The following ATXN2 variants were observed in gnomAD, a reference collection of about 807,000 sequenced individuals.
The protein encoded by ATXN2 is ataxin-2.
In ATXN2, 37 loss-of-function variants were observed where a neutral mutation model predicts 138.6. The observed-to-expected ratio is 0.27, with a 90% CI of 0.21 to 0.35. The LOEUF (loss-of-function observed/expected upper bound fraction) is 0.35. Among genes scored for constraint, ATXN2 ranks in the 10% least tolerant of loss-of-function variants. The probability of loss-of-function intolerance (pLI) is 1.00; values close to 1 mark genes in which losing one functional copy is unlikely to be tolerated. For missense variants in ATXN2, 1,216 were observed against 1,480.3 expected (o/e 0.82, Z 2.93); for synonymous variants, 549 against 543.7 (o/e 1.01, Z -0.13).
Position 111,482,188 on chromosome 12 carries a change from C to T in ATXN2, c.2524+3077G>A, listed in dbSNP as rs1447821097. Among the ~76,000 whole-genome samples, 5 of 132,886 alleles carry T rather than the reference C, an allele frequency of 3.8e-5. No individual in the cohort carries two copies. In the Admixed American group the frequency reaches 3.8e-4, roughly 10 times the overall value. 87.2% of individuals were successfully genotyped at this position (132,886 alleles called of 152,430 possible). ...CCAACATGGCAAAGCCCTTTCTCTA[C>T]TATTTTTTTTTTTTTTTTTTTTTTG... On this transcript the variant is annotated intron_variant, in intron 18 of 24. Transcript: ENST00000673436.
chr12:111,516,554 CCTT>C lies in ATXN2; in HGVS notation c.1166-194_1166-192del, dbSNP rs1181987495. Among the ~76,000 whole-genome samples, 5 of 152,162 alleles carry C rather than the reference CCTT, an allele frequency of 3.3e-5. No homozygotes were observed. Among genetic ancestry groups the C allele is most frequent in the African/African-American group, 4.8e-5 (2 of 41,424 alleles). ...ATAAATTCACATTTTACTTTAACCTCCTTAAGATTAAGTCTGTTTAAATGAATA... is the reference window on the plus strand; with the variant it reads ...ATAAATTCACATTTTACTTTAACCTCAAGATTAAGTCTGTTTAAATGAATA... On this transcript the variant is annotated intron_variant, in intron 9 of 24. Coordinates refer to ENST00000673436, the MANE Select transcript of ATXN2 (RefSeq NM_001372574.1). This position sits in a 1 kb window ranked among gnomAD's most constrained non-coding sequence, Gnocchi z 5.0.
intron 5 of ATXN2, among the ~76,000 whole-genome samples, chr12:111,537,945 A>C (rs756693966): frequency 1.3e-5 from 2 of 152,092 alleles, no homozygotes; most frequent in African/African-American, 2.4e-5. Flanking sequence ...AAATAACAAC[A>C]AAAATTAGCC....
intron 14 of ATXN2, among the ~76,000 whole-genome samples, chr12:111,493,759 G>T (rs1878208964): frequency 6.6e-6 from 1 of 151,322 alleles, no homozygotes; most frequent in South Asian, 2.1e-4. Context: ...CTCCTGAGTA[G>T]CTAGGATTAC....
At chr12:111,509,677 C>G (rs1396742280) in intron 13 of ATXN2, 58 bp from the exon 14 acceptor site, 3 of 1,049,606 alleles carry the variant, frequency 2.9e-6, no homozygotes, top group Non-Finnish European at 4.2e-6. Flanking sequence ...ACATCACATT[C>G]TTTTTAGTAT....
upstream of ATXN2, chr12:111,599,661 T>G: frequency 3.7e-6 from 4 of 1,067,590 alleles, no homozygotes; most frequent in Non-Finnish European, 4.6e-6. Flanking sequence ...GCGCGCTGGG[T>G]TGCTTTCTCG....
At chr12:111,523,485 AGGCC>A (rs1880301498) in intron 6 of ATXN2, among the ~76,000 whole-genome samples, 1 of 152,106 alleles carries the variant, frequency 6.6e-6, no homozygotes, top group Non-Finnish European at 1.5e-5. Flanking sequence ...GCACTTTGGG[AGGCC>A]GAGGTGGGCA....
intron 5 of ATXN2, among the ~76,000 whole-genome samples, chr12:111,536,224 G>A (rs1468384909): frequency 6.6e-6 from 1 of 152,170 alleles, no homozygotes. Flanking sequence ...AAGACAAGTT[G>A]TTTAGGAGAT....
chr12:111,475,190 G>A (rs1166381188), intron 18 of ATXN2, among the ~76,000 whole-genome samples: 4 of 151,606 alleles, frequency 2.6e-5, no homozygotes, highest in Non-Finnish European at 2.9e-5. Context: ...CTCCAGCCTG[G>A]GCAACAGAGC....
At chr12:111,564,051 C>T (rs1024042110) in intron 1 of ATXN2, among the ~76,000 whole-genome samples, 5 of 152,070 alleles carry the variant, frequency 3.3e-5, no homozygotes, top group Non-Finnish European at 7.4e-5. Context: ...ACAGTGTGGT[C>T]GGCAAGCAGT....
chr12:111,510,875 C>G, intron 11 of ATXN2: 1 of 196,256 alleles, frequency 5.1e-6, no homozygotes. Flanking sequence ...TAAAGGCACT[C>G]GCCACCACAA....
chr12:111,557,629 C>T (rs1165109908), intron 1 of ATXN2, among the ~76,000 whole-genome samples: 2 of 152,182 alleles, frequency 1.3e-5, no homozygotes, highest in African/African-American at 4.8e-5. Context: ...TCATCCAGTT[C>T]ATGAGCAGTA....
At chr12:111,527,867 A>C (rs1880585957) in intron 5 of ATXN2, among the ~76,000 whole-genome samples, 1 of 152,248 alleles carries the variant, frequency 6.6e-6, no homozygotes, top group Non-Finnish European at 1.5e-5. Flanking sequence ...TCTTCTCTAC[A>C]TTATCTTAAA....
chr12:111,539,356 G>C (rs1361307158), intron 5 of ATXN2, among the ~76,000 whole-genome samples: 1 of 149,598 alleles, frequency 6.7e-6, no homozygotes, highest in Non-Finnish European at 1.5e-5. Flanking sequence ...GAGTGAAAGA[G>C]ACAGAGAGAA....
At chr12:111,491,044 G>A (rs1443607021) in intron 14 of ATXN2, among the ~76,000 whole-genome samples, 2 of 152,078 alleles carry the variant, frequency 1.3e-5, no homozygotes, top group Non-Finnish European at 2.9e-5. Context: ...CTGAGGTCGG[G>A]AGTTCAAGAC....
intron 18 of ATXN2, chr12:111,471,031 TG>T (rs1408739964): frequency 8.0e-6 from 3 of 376,436 alleles, no homozygotes; most frequent in Non-Finnish European, 1.5e-5. Context: ...CCCTCAGACT[TG>T]ATCAAGTCCC....
intron 18 of ATXN2, among the ~76,000 whole-genome samples, chr12:111,480,607 G>A (rs1039191107): frequency 5.9e-5 from 9 of 152,132 alleles, no homozygotes; most frequent in Non-Finnish European, 1.0e-4. Flanking sequence ...TCTGAGAGGC[G>A]GAGGTTGCAG....
At chr12:111,536,190 A>G (rs1881164340) in intron 5 of ATXN2, among the ~76,000 whole-genome samples, 1 of 152,178 alleles carries the variant, frequency 6.6e-6, no homozygotes, top group African/African-American at 2.4e-5. Context: ...AATGCCCAAG[A>G]TTGACTGAAA....
At chr12:111,597,161 G>A (rs1330542807) in intron 1 of ATXN2, among the ~76,000 whole-genome samples, 1 of 151,394 alleles carries the variant, frequency 6.6e-6, no homozygotes, top group Non-Finnish European at 1.5e-5. Context: ...GGGGAAGGGG[G>A]GGCGGGGCGT....
At position 111,516,029 on chromosome 12, in the gene ATXN2, A is replaced by G; in HGVS notation, c.1375+125T>C. 1.1e-6 allele frequency: 1 copy of G among 924,884 alleles called. No individual in the cohort carries two copies. The highest frequency in any genetic ancestry group is 1.5e-6 in the Non-Finnish European group (1 of 649,166). The allele number at this position is 924,884 out of a possible 1,614,324, so 57.3% of individuals were successfully genotyped here. Reference sequence around the variant, plus strand: ...AGGTTAATAGAAATAGTTTTAATAAACTAAAGTTAAAACACAGAAATTATA... The same window carrying G: ...AGGTTAATAGAAATAGTTTTAATAAGCTAAAGTTAAAACACAGAAATTATA... On this transcript the variant is annotated intron_variant, in intron 10 of 24. Coordinates refer to ENST00000673436, the MANE Select transcript of ATXN2 (RefSeq NM_001372574.1). This position sits in a 1 kb window ranked among gnomAD's most constrained non-coding sequence, Gnocchi z 5.0.
Sources: gnomAD v4.1 joint callset for allele counts (sites outside exome capture counted in the v4.1 genomes callset) on GRCh38, gnomAD v4.1.1 for gene constraint, Gnocchi (gnomAD v3.1) non-coding constraint, MANE v1.5 for transcripts, NCBI Gene and HGNC (gene_info 2026-07-23, HGNC 2026-07-21) for gene names.